BRD10: variants seen among roughly 807,000 people sequenced by gnomAD.
The protein encoded by BRD10 is uncharacterized bromodomain-containing protein 10.
At chr9:5,929,854 T>C in the BRD10 span, among the ~76,000 whole-genome samples, 1 of 152,092 alleles carries the variant, frequency 6.6e-6, no homozygotes, top group Admixed American at 6.6e-5. Flanking sequence ...ATAAGGCTCA[T>C]AGAGATTAAA....
At chr9:5,980,537 T>C in the BRD10 span, among the ~76,000 whole-genome samples, 24 of 152,242 alleles carry the variant, frequency 1.6e-4, no homozygotes, top group Non-Finnish European at 2.5e-4. Flanking sequence ...AATTAAAATA[T>C]AGAGTGGGGA....
chr9:5,945,602 G>T, the BRD10 span, among the ~76,000 whole-genome samples: 1 of 151,876 alleles, frequency 6.6e-6, no homozygotes, highest in African/African-American at 2.4e-5. Flanking sequence ...GGTAACATTG[G>T]CAAATGGCCA....
chr9:5,940,618 G>C, the BRD10 span, among the ~76,000 whole-genome samples: 1 of 152,128 alleles, frequency 6.6e-6, no homozygotes. Context: ...GCTACTGCTG[G>C]ACATATGGAT....
the BRD10 span, among the ~76,000 whole-genome samples, chr9:5,993,034 A>G: frequency 6.6e-6 from 1 of 152,010 alleles, no homozygotes; most frequent in Admixed American, 6.6e-5. Flanking sequence ...TTCTAAATGA[A>G]GCCAGGCGCA....
chr9:5,921,230 G>A, the BRD10 span: 3 of 1,613,960 alleles, frequency 1.9e-6, no homozygotes, highest in Non-Finnish European at 2.5e-6. Flanking sequence ...AGCTGGCACA[G>A]TGCCTGAAGT....
chr9:5,912,540 T>A, the BRD10 span, among the ~76,000 whole-genome samples: 1 of 152,198 alleles, frequency 6.6e-6, no homozygotes. Context: ...GCTGTTACTT[T>A]ACATATTTGT....
chr9:5,959,016 A>C, the BRD10 span, among the ~76,000 whole-genome samples: 1 of 152,244 alleles, frequency 6.6e-6, no homozygotes, highest in Middle Eastern at 3.4e-3. Flanking sequence ...CTATAAGCAA[A>C]TTTCTTATCA....
the BRD10 span, among the ~76,000 whole-genome samples, chr9:5,952,024 T>TTTAC: frequency 2.0e-5 from 3 of 149,550 alleles, no homozygotes; most frequent in Non-Finnish European, 4.4e-5. Flanking sequence ...TATTTATTTA[T>TTTAC]TTATTTATTT....
the BRD10 span, among the ~76,000 whole-genome samples, chr9:5,949,214 A>C: frequency 6.6e-6 from 1 of 152,202 alleles, no homozygotes; most frequent in Non-Finnish European, 1.5e-5. Context: ...AAAGCTGATT[A>C]AACTAACAGA....
the BRD10 span, among the ~76,000 whole-genome samples, chr9:5,911,784 C>T: frequency 5.3e-5 from 8 of 152,136 alleles, no homozygotes; most frequent in African/African-American, 1.7e-4. Flanking sequence ...ATCTGCCTAC[C>T]TCAGCCTCCC....
At chr9:5,991,445 G>T in the BRD10 span, among the ~76,000 whole-genome samples, 2 of 152,024 alleles carry the variant, frequency 1.3e-5, no homozygotes, top group African/African-American at 2.4e-5. Flanking sequence ...AACCAGGGCC[G>T]CGTGCAGTCA....
the BRD10 span, among the ~76,000 whole-genome samples, chr9:5,956,428 C>T: frequency 8.4e-3 from 1,280 of 152,240 alleles, 14 homozygotes; most frequent in African/African-American, 0.029. Flanking sequence ...GCTACAACCA[C>T]CTACTATTAT....
At chr9:5,950,036 A>G in the BRD10 span, among the ~76,000 whole-genome samples, 1 of 152,210 alleles carries the variant, frequency 6.6e-6, no homozygotes, top group Non-Finnish European at 1.5e-5. Flanking sequence ...TTTCCCCTAC[A>G]TGACAAATAT....
chr9:5,962,223 G>A, the BRD10 span, among the ~76,000 whole-genome samples: 148 of 150,426 alleles, frequency 9.8e-4, no homozygotes, highest in Non-Finnish European at 1.9e-3. Context: ...TGATAAAGGG[G>A]ATATCACCAC....
chr9:5,911,670 GA>G, the BRD10 span, among the ~76,000 whole-genome samples: 1 of 151,838 alleles, frequency 6.6e-6, no homozygotes, highest in African/African-American at 2.4e-5. Context: ...GAGTAACTGG[GA>G]TTACAGGTGT....
At chr9:5,957,644 T>G in the BRD10 span, among the ~76,000 whole-genome samples, 1 of 152,186 alleles carries the variant, frequency 6.6e-6, no homozygotes, top group South Asian at 2.1e-4. Context: ...TGTAATCTGC[T>G]TCTGTTTGGT....
chr9:5,976,736 T>A, the BRD10 span, among the ~76,000 whole-genome samples: 1 of 147,748 alleles, frequency 6.8e-6, no homozygotes, highest in Non-Finnish European at 1.5e-5. Context: ...AATAGTAGAA[T>A]AGATGTGAAG....
the BRD10 span, among the ~76,000 whole-genome samples, chr9:5,883,446 C>A: frequency 2.1e-5 from 3 of 143,690 alleles, no homozygotes; most frequent in African/African-American, 7.8e-5. Context: ...ACAACTTCAT[C>A]CTATTCCTTC....
chr9:5,893,281 C>G, the BRD10 span, among the ~76,000 whole-genome samples: 53 of 152,160 alleles, frequency 3.5e-4, no homozygotes, highest in Non-Finnish European at 6.6e-4. Context: ...GGGACATACT[C>G]TGTACGTGCT....
Sources: allele counts gnomAD v4.1 joint callset (sites outside exome capture counted in the v4.1 genomes callset), GRCh38; gene constraint gnomAD v4.1.1; transcripts MANE v1.5; gene names NCBI Gene and HGNC (gene_info 2026-07-23, HGNC 2026-07-21).